Variants in TRDN observed in about 807,000 individuals in gnomAD.
TRDN encodes triadin in skeletal muscle.
Under a neutral mutation model 149.7 loss-of-function variants are expected in TRDN, and 161 were observed. The ratio of observed to expected loss-of-function variants is 1.08; its 90% CI spans 0.95 to 1.23. The LOEUF is 1.23. Ranked by LOEUF, TRDN falls within the 50% of genes most tolerant of loss-of-function variation. The probability of loss-of-function intolerance (pLI) is 0.00; values close to 1 mark genes in which losing one functional copy is unlikely to be tolerated. For synonymous variants in TRDN, 294 were observed against 250.5 expected (o/e 1.17, Z -1.64); for missense variants, 896 against 823.5 (o/e 1.09, Z -1.08).
chr6:123,271,043 G>GTGTT, intron 30 of TRDN, 96 bp downstream of exon 30: 1 of 602,910 alleles, frequency 1.7e-6, no homozygotes, highest in Non-Finnish European at 2.7e-6. Context: ...GAAGGGCTGT[G>GTGTT]TGTGTGTGTG....
chr6:123,610,494 G>T (rs1424638421), intron 1 of TRDN, among the ~76,000 whole-genome samples: 1 of 152,152 alleles, frequency 6.6e-6, no homozygotes, highest in Non-Finnish European at 1.5e-5. Context: ...CCAGGTGCTT[G>T]GGTACAAAAG....
intron 2 of TRDN, among the ~76,000 whole-genome samples, chr6:123,566,545 C>T (rs994382469): frequency 6.6e-6 from 1 of 152,172 alleles, no homozygotes; most frequent in Non-Finnish European, 1.5e-5. Flanking sequence ...CTTTTCATGG[C>T]TTCACGGCAT....
intron 4 of TRDN, 91 bp downstream of exon 4, chr6:123,547,249 A>G: frequency 1.2e-6 from 1 of 808,018 alleles, no homozygotes; most frequent in Non-Finnish European, 1.9e-6. Flanking sequence ...AAACCTTTAT[A>G]TTAAAATAAG....
chr6:123,467,998 T>C (rs1441943813), intron 9 of TRDN, among the ~76,000 whole-genome samples: 1 of 152,066 alleles, frequency 6.6e-6, no homozygotes, highest in African/African-American at 2.4e-5. Flanking sequence ...ATGTGGATAG[T>C]TGTAGGGGTG....
Position 123,436,788 on chromosome 6 carries a change from A to G in TRDN, c.1051+1275T>C, listed in dbSNP as rs142354556. Among the ~76,000 whole-genome samples the G allele has an allele frequency of 6.8e-3, 1,035 of 152,232 alleles. 14 individuals carry two copies. Among genetic ancestry groups the G allele is most frequent in the African/African-American group, 0.023 (975 of 41,510 alleles). On this transcript the variant is annotated intron_variant, in intron 12 of 40. Coordinates refer to ENST00000334268, the MANE Select transcript of TRDN (RefSeq NM_006073.4). ...TTTTTAGCTTACTATTACACAGGAA[A>G]GATCTGGAAATCTCATTTACTTTAA...
At chr6:123,561,822 G>A (rs192289661) in intron 2 of TRDN, among the ~76,000 whole-genome samples, 3 of 151,900 alleles carry the variant, frequency 2.0e-5, no homozygotes, top group Admixed American at 6.6e-5. Context: ...AATCCCTCTC[G>A]AAGCAGCCCT....
At chr6:123,487,904 C>A (rs569310230) in intron 9 of TRDN, among the ~76,000 whole-genome samples, 1 of 152,208 alleles carries the variant, frequency 6.6e-6, no homozygotes, top group Admixed American at 6.5e-5. Context: ...ACAGATGTTT[C>A]TCCTCTGAAT....
intron 23 of TRDN, among the ~76,000 whole-genome samples, chr6:123,322,223 G>A (rs1157406410): frequency 6.6e-6 from 1 of 152,148 alleles, no homozygotes; most frequent in Non-Finnish European, 1.5e-5. Flanking sequence ...ATATTCTCAA[G>A]TGATAGTTCA....
At chr6:123,318,194 T>C (rs1307809496) in intron 23 of TRDN, among the ~76,000 whole-genome samples, 1 of 152,000 alleles carries the variant, frequency 6.6e-6, no homozygotes, top group Non-Finnish European at 1.5e-5. Flanking sequence ...AACTTTTTCT[T>C]TTCTCTAATA....
At chr6:123,465,362 C>T (rs953798962) in intron 9 of TRDN, among the ~76,000 whole-genome samples, 1 of 151,730 alleles carries the variant, frequency 6.6e-6, no homozygotes, top group African/African-American at 2.4e-5. Context: ...TAAAATTAAT[C>T]ACTATTTTTT....
At chr6:123,448,827 C>G (rs1021806475) in intron 10 of TRDN, among the ~76,000 whole-genome samples, 4 of 152,134 alleles carry the variant, frequency 2.6e-5, no homozygotes, top group African/African-American at 4.8e-5. Context: ...TTGCACTCCC[C>G]TGCCACCTCC....
intron 16 of TRDN, among the ~76,000 whole-genome samples, chr6:123,378,453 A>AGTGT (rs59816098): frequency 0.024 from 3,295 of 136,334 alleles, 123 homozygotes; most frequent in East Asian, 0.19. Flanking sequence ...CCAGATTTGT[A>AGTGT]GTGTGTGTGT....
At chr6:123,518,232 G>T (rs1169850856) in intron 5 of TRDN, among the ~76,000 whole-genome samples, 3 of 151,978 alleles carry the variant, frequency 2.0e-5, no homozygotes, top group Non-Finnish European at 2.9e-5. Flanking sequence ...CACATTTAAT[G>T]GTTCTTTTAG....
intron 21 of TRDN, chr6:123,351,391 C>T (rs532318366): frequency 3.0e-6 from 3 of 984,646 alleles, no homozygotes; most frequent in South Asian, 4.7e-5. Flanking sequence ...AATGAACACA[C>T]TGAAATTAGG....
chr6:123,603,062 C>A (rs568200542), intron 1 of TRDN, among the ~76,000 whole-genome samples: 1 of 102,794 alleles, frequency 9.7e-6, no homozygotes, highest in African/African-American at 3.2e-5. Flanking sequence ...AGAACTCAGA[C>A]CTTTGTTATT....
chr6:123,296,463 G>C (rs1778201959), intron 24 of TRDN, among the ~76,000 whole-genome samples: 1 of 152,106 alleles, frequency 6.6e-6, no homozygotes, highest in Admixed American at 6.6e-5. Context: ...GTTTAGAAAT[G>C]TTACTACATT....
chr6:123,573,056 T>C (rs1206101229), intron 1 of TRDN, among the ~76,000 whole-genome samples: 1 of 152,054 alleles, frequency 6.6e-6, no homozygotes, highest in African/African-American at 2.4e-5. Flanking sequence ...TGCTCTACCA[T>C]CACAACTCTT....
At chr6:123,528,309 A>G (rs913323590) in intron 5 of TRDN, among the ~76,000 whole-genome samples, 3 of 150,730 alleles carry the variant, frequency 2.0e-5, no homozygotes, top group African/African-American at 4.9e-5. Context: ...TCAATTATAT[A>G]GGTGTAGACT....
intron 4 of TRDN, among the ~76,000 whole-genome samples, chr6:123,532,028 C>T (rs1487349480): frequency 1.3e-5 from 2 of 151,974 alleles, no homozygotes; most frequent in Non-Finnish European, 2.9e-5. Context: ...AGTTGAGAAC[C>T]ACTGCTCTAA....
Sources: gnomAD v4.1 joint callset for allele counts (sites outside exome capture counted in the v4.1 genomes callset) on GRCh38, gnomAD v4.1.1 for gene constraint, MANE v1.5 for transcripts, NCBI Gene and HGNC (gene_info 2026-07-23, HGNC 2026-07-21) for gene names.